Variants in QSOX2 observed in about 807,000 individuals in gnomAD.
QSOX2 encodes the protein quiescin sulfhydryl oxidase 2.
A neutral mutation model predicts 61.7 loss-of-function variants in QSOX2; 46 were observed. The observed-to-expected ratio is 0.75, with a 90% CI of 0.59 to 0.95. The LOEUF (loss-of-function observed/expected upper bound fraction) is 0.95, where lower values mean the gene tolerates loss of function less well. Ranked by LOEUF, QSOX2 falls within the 40% of genes least tolerant of loss-of-function variation. QSOX2 has a pLI of 0.00. For synonymous variants in QSOX2, 383 were observed against 388.4 expected (o/e 0.99, Z 0.16); for missense variants, 879 against 918.9 (o/e 0.96, Z 0.56).
In QSOX2 at chr9:136,224,855, C is replaced by T; in HGVS notation, c.478+6G>A. The T allele has an allele frequency of 1.9e-6, 3 of 1,579,882 alleles. No homozygotes were observed. Among genetic ancestry groups the T allele is most frequent in the Non-Finnish European group, 2.6e-6 (3 of 1,151,844 alleles). On this transcript the variant is annotated splice_donor_region_variant and intron_variant, in intron 3 of 11. Coordinates refer to ENST00000358701, the MANE Select transcript of QSOX2 (RefSeq NM_181701.4). ...AGGGACTAAAATACAATGCTTATGT[C>T]CTTACCTTTAAAATTTTCTCCAGTT...
rs555365428 is a variant in QSOX2 at position 136,222,716 on chromosome 9, G to A, written c.676-775C>T. On this transcript the variant is annotated intron_variant, in intron 5 of 11. Transcript: ENST00000358701. This position sits in a 1 kb window ranked among gnomAD's most constrained non-coding sequence, Gnocchi z 6.9. ...TGCACGAGTGGAGCCTGGCTGCCCC[G>A]AACGCACCAGCATGCCAGGCAGGTA... Among the ~76,000 whole-genome samples, 5 of 152,262 alleles carry A rather than the reference G, an allele frequency of 3.3e-5. No homozygotes were observed. Among genetic ancestry groups the A allele is most frequent in the Non-Finnish European group, 5.9e-5 (4 of 68,018 alleles).
At chr9:136,237,853 G>C (rs1352834138) in intron 1 of QSOX2, among the ~76,000 whole-genome samples, 1 of 152,280 alleles carries the variant, frequency 6.6e-6, no homozygotes, top group Non-Finnish European at 1.5e-5. Flanking sequence ...CAAACGCAGA[G>C]TGAACATGCG....
At chr9:136,231,915 C>A (rs72773802) in intron 1 of QSOX2, among the ~76,000 whole-genome samples, 1 of 148,368 alleles carries the variant, frequency 6.7e-6, no homozygotes, top group East Asian at 2.0e-4. Flanking sequence ...CCCTCCACCC[C>A]CTCCACCCTC....
At chr9:136,225,326 G>A (rs1830269223) in intron 2 of QSOX2, among the ~76,000 whole-genome samples, 1 of 152,216 alleles carries the variant, frequency 6.6e-6, no homozygotes, top group African/African-American at 2.4e-5. Context: ...GGATGATTAG[G>A]TTCTTATGTT....
At chr9:136,211,473 CT>C in intron 10 of QSOX2, 21 bp from the exon 11 acceptor site, 7 of 1,609,506 alleles carry the variant, frequency 4.3e-6, no homozygotes, top group Non-Finnish European at 6.0e-6. Flanking sequence ...AGAAACACTG[CT>C]GACAACGGCA....
intron 1 of QSOX2, 55 bp from the exon 2 acceptor site, chr9:136,226,929 C>A: frequency 6.6e-7 from 1 of 1,514,294 alleles, no homozygotes; most frequent in Non-Finnish European, 9.2e-7. Context: ...CCCGGGAAGC[C>A]CAGGACCCAG....
Position 136,209,929 on chromosome 9 carries a change from C to A in QSOX2, c.1550-654G>T. The stretch of plus-strand genomic sequence containing the variant: ...TCCGTCATGCAGAAGCTGCGGCGCA[C>A]GGCGCCTCCTAGCTCTCGGAGCCCC... On this transcript the variant is annotated intron_variant, in intron 11 of 11. Coordinates refer to ENST00000358701, the MANE Select transcript of QSOX2 (RefSeq NM_181701.4). This position sits in a 1 kb window ranked among gnomAD's most constrained non-coding sequence, Gnocchi z 5.6. 3.0e-6 allele frequency: 3 copies of A among 985,402 alleles called. No homozygotes were observed. Among genetic ancestry groups the A allele is most frequent in the South Asian group, 9.4e-5 (2 of 21,284 alleles). The allele number at this position is 985,402 out of a possible 1,614,324, so 61.0% of individuals were successfully genotyped here.
rs183240349 is a variant in QSOX2 at position 136,234,231 on chromosome 9, G to A, written c.329-7357C>T. ...TCCTTTACTGTAAGAACACAGTACGGAACACGTGTAACACACAAAGTTTGT... is the reference window on the plus strand; with the variant it reads ...TCCTTTACTGTAAGAACACAGTACGAAACACGTGTAACACACAAAGTTTGT... On this transcript the variant is annotated intron_variant, in intron 1 of 11. Coordinates refer to ENST00000358701, the MANE Select transcript of QSOX2 (RefSeq NM_181701.4). Among the ~76,000 whole-genome samples, 117 of 152,356 alleles carry A rather than the reference G, an allele frequency of 7.7e-4. 2 individuals carry two copies. Among genetic ancestry groups the A allele is most frequent in the African/African-American group, 2.7e-3 (114 of 41,578 alleles).
In QSOX2 at chr9:136,210,410, G is replaced by A. The variant is rs951669821; in HGVS notation, c.1549+854C>T. ...GGCTGGGGCCACAGGTAGCAGCAGG[G>A]GCTCCAGGTCCAGGCAGGCCTGGCG... On this transcript the variant is annotated intron_variant, in intron 11 of 11. Transcript: ENST00000358701. 52 of 985,348 alleles carry A rather than the reference G, an allele frequency of 5.3e-5. No individual in the cohort carries two copies. In the African/African-American group the frequency reaches 9.1e-4, roughly 17 times the overall value. The allele number at this position is 985,348 out of a possible 1,614,324, so 61.0% of individuals were successfully genotyped here. A position where few individuals can be genotyped will look rare whatever the true frequency, so the allele number is the denominator to read the frequency against.
At chr9:136,233,533 G>A (rs568385238) in intron 1 of QSOX2, among the ~76,000 whole-genome samples, 40 of 152,356 alleles carry the variant, frequency 2.6e-4, no homozygotes, top group African/African-American at 8.7e-4. Flanking sequence ...AGACGCCATC[G>A]TTGTTATAGG....
At chr9:136,224,186 C>A in intron 3 of QSOX2, 74 bp from the exon 4 acceptor site, 1 of 1,179,280 alleles carries the variant, frequency 8.5e-7, no homozygotes. Flanking sequence ...CCAGGGACAG[C>A]AGCCCCGTCC....
At chr9:136,210,823 C>T (rs932170223) in intron 11 of QSOX2, 2 of 984,632 alleles carry the variant, frequency 2.0e-6, no homozygotes, top group African/African-American at 3.5e-5. Flanking sequence ...TACATGTGCC[C>T]TATTTAATTA....
Position 136,209,447 on chromosome 9 carries a change from G to A in QSOX2, c.1550-172C>T, listed in dbSNP as rs1240017969. The A allele has an allele frequency of 1.3e-5, 13 of 985,246 alleles. No homozygotes were observed. Among genetic ancestry groups the A allele is most frequent in the Middle Eastern group, 5.2e-4 (1 of 1,936 alleles). The allele number at this position is 985,246 out of a possible 1,614,324, so 61.0% of individuals were successfully genotyped here. Reference sequence around the variant, plus strand: ...TCCCACCACCCGTCCCTTGCAGTTCGGCCCAGATAACATCCTGCTTCTGCA... The same window carrying A: ...TCCCACCACCCGTCCCTTGCAGTTCAGCCCAGATAACATCCTGCTTCTGCA... On this transcript the variant is annotated intron_variant, in intron 11 of 11. Transcript: ENST00000358701. This position sits in a 1 kb window ranked among gnomAD's most constrained non-coding sequence, Gnocchi z 5.6.
chr9:136,226,050 AAAC>A (rs1214048198), intron 2 of QSOX2, among the ~76,000 whole-genome samples: 1 of 152,200 alleles, frequency 6.6e-6, no homozygotes, highest in African/African-American at 2.4e-5. Context: ...AGCACAGTGA[AAAC>A]AACAGCCCCC....
rs150097700 is a variant in QSOX2, at chr9:136,209,925, C to T, written c.1550-650G>A. The T allele has an allele frequency of 7.7e-4, 758 of 985,400 alleles. 6 individuals carry two copies. The African/African-American group carries it at 0.013, about 17-fold the overall frequency. The allele number at this position is 985,400 out of a possible 1,614,324, so 61.0% of individuals were successfully genotyped here. A position where few individuals can be genotyped will look rare whatever the true frequency, so the allele number is the denominator to read the frequency against. On this transcript the variant is annotated intron_variant, in intron 11 of 11. Transcript: ENST00000358701. This position sits in a 1 kb window ranked among gnomAD's most constrained non-coding sequence, Gnocchi z 5.6. Reference sequence around the variant, plus strand: ...GGCATCCGTCATGCAGAAGCTGCGGCGCACGGCGCCTCCTAGCTCTCGGAG... The same window carrying T: ...GGCATCCGTCATGCAGAAGCTGCGGTGCACGGCGCCTCCTAGCTCTCGGAG...
chr9:136,236,993 T>TCCTGTGCCA, intron 1 of QSOX2, among the ~76,000 whole-genome samples: 1 of 132,292 alleles, frequency 7.6e-6, no homozygotes, highest in African/African-American at 3.0e-5. Context: ...TGGGCCGGCG[T>TCCTGTGCCA]CACCTGGAGC....
chr9:136,245,738 GGCTCTCAGCGCAGGTCCC>G lies in QSOX2; in HGVS notation c.48_65del (p.Gly17_Ala22del). The G allele has an allele frequency of 8.7e-7, 1 of 1,150,628 alleles. No homozygotes were observed. Among genetic ancestry groups the G allele is most frequent in the Middle Eastern group, 3.6e-4 (1 of 2,780 alleles). The allele number at this position is 1,150,628 out of a possible 1,614,324, so 71.3% of individuals were successfully genotyped here. A position where few individuals can be genotyped will look rare whatever the true frequency, so the allele number is the denominator to read the frequency against. ...CGGCCCGCGGCGGGGGCGAGCGCCG[GGCTCTCAGCGCAGGTCCC>G]GCTCCGATTCCCGGGCTGCGCGCCA... On this transcript the variant is annotated inframe_deletion, in exon 1 of 12. Transcript: ENST00000358701.
chr9:136,237,604 G>T (rs2131068958), intron 1 of QSOX2, among the ~76,000 whole-genome samples: 1 of 142,428 alleles, frequency 7.0e-6, no homozygotes, highest in East Asian at 2.2e-4. Context: ...GCCACACCTG[G>T]AGCCCATCCT....
intron 11 of QSOX2, chr9:136,210,515 C>T (rs1208127078): frequency 2.0e-6 from 2 of 985,356 alleles, no homozygotes; most frequent in Non-Finnish European, 2.4e-6. Flanking sequence ...GATGCAGAGG[C>T]TGCCAGGGCG....
Sources: gnomAD v4.1 joint callset for allele counts (sites outside exome capture counted in the v4.1 genomes callset) on GRCh38, gnomAD v4.1.1 for gene constraint, Gnocchi (gnomAD v3.1) non-coding constraint, MANE v1.5 for transcripts, NCBI Gene and HGNC (gene_info 2026-07-23, HGNC 2026-07-21) for gene names.